NELL1: variants seen among roughly 807,000 people sequenced by gnomAD.
NELL1 encodes the protein neural EGFL like 1.
NELL1 carries 76 observed loss-of-function variants against 107.4 expected under a neutral mutation model. The ratio of observed to expected loss-of-function variants is 0.71; its 90% CI spans 0.59 to 0.86. The LOEUF (loss-of-function observed/expected upper bound fraction) is 0.86, where lower values mean the gene tolerates loss of function less well. NELL1 is among the 40% of genes least tolerant of loss of function. The pLI, the probability that NELL1 is intolerant of heterozygous loss-of-function variation, is 0.00. For synonymous variants in NELL1, 353 were observed against 341.2 expected, an observed-to-expected ratio of 1.03 and a Z score of -0.38; for missense variants, 1,024 against 1,005.5, an observed-to-expected ratio of 1.02 and a Z score of -0.25.
intron 15 of NELL1, among the ~76,000 whole-genome samples, chr11:21,468,027 A>G (rs1449347085): frequency 6.6e-6 from 1 of 152,120 alleles, no homozygotes; most frequent in Non-Finnish European, 1.5e-5. Context: ...TAAAATGACT[A>G]ACAATGGAAA....
intron 5 of NELL1, among the ~76,000 whole-genome samples, chr11:20,906,562 G>A (rs1277861554): frequency 6.6e-6 from 1 of 151,994 alleles, no homozygotes; most frequent in African/African-American, 2.4e-5. Context: ...TTACAGACCA[G>A]TATCTCTTAT....
intron 12 of NELL1, among the ~76,000 whole-genome samples, chr11:21,040,337 A>G (rs1240027152): frequency 6.6e-6 from 1 of 152,094 alleles, no homozygotes; most frequent in South Asian, 2.1e-4. Flanking sequence ...ATTTTTTCCT[A>G]TTATATGTAT....
chr11:21,230,411 G>A (rs926130774), intron 14 of NELL1, among the ~76,000 whole-genome samples: 1 of 152,196 alleles, frequency 6.6e-6, no homozygotes, highest in African/African-American at 2.4e-5. Flanking sequence ...CTGGCATTTA[G>A]AGTGTGACTT....
At chr11:21,176,382 G>A (rs1005665434) in intron 13 of NELL1, among the ~76,000 whole-genome samples, 4 of 151,700 alleles carry the variant, frequency 2.6e-5, no homozygotes, top group African/African-American at 9.7e-5. Flanking sequence ...GAGCCCTCTT[G>A]TCTTACTCGC....
intron 13 of NELL1, among the ~76,000 whole-genome samples, chr11:21,208,368 A>G (rs1298917234): frequency 6.6e-6 from 1 of 151,434 alleles, no homozygotes; most frequent in African/African-American, 2.4e-5. Flanking sequence ...CAATATTTTA[A>G]CATGCATTTT....
intron 14 of NELL1, among the ~76,000 whole-genome samples, chr11:21,236,511 C>A (rs1858210498): frequency 6.6e-6 from 1 of 152,014 alleles, no homozygotes; most frequent in South Asian, 2.1e-4. Context: ...CATCAGTGGA[C>A]CTGCTATTTA....
chr11:21,530,496 T>A (rs1855964982), intron 15 of NELL1, among the ~76,000 whole-genome samples: 2 of 152,080 alleles, frequency 1.3e-5, no homozygotes, highest in Admixed American at 1.3e-4. Flanking sequence ...AAAACAAACC[T>A]TGGGTATTCG....
intron 14 of NELL1, among the ~76,000 whole-genome samples, chr11:21,347,596 C>T (rs1463136617): frequency 1.3e-5 from 2 of 152,146 alleles, no homozygotes; most frequent in Non-Finnish European, 2.9e-5. Flanking sequence ...GAGCAAAACT[C>T]TGCCTAAAAC....
chr11:21,481,875 C>T (rs563404380), intron 15 of NELL1, among the ~76,000 whole-genome samples: 12 of 152,158 alleles, frequency 7.9e-5, no homozygotes, highest in African/African-American at 1.4e-4. Context: ...AAGAATTTTA[C>T]GGGTATTGGC....
At chr11:21,295,526 G>C (rs1296024335) in intron 14 of NELL1, among the ~76,000 whole-genome samples, 1 of 152,060 alleles carries the variant, frequency 6.6e-6, no homozygotes, top group Non-Finnish European at 1.5e-5. Flanking sequence ...ATATGGAGTA[G>C]ACACAAAGAA....
intron 11 of NELL1, among the ~76,000 whole-genome samples, chr11:20,953,398 T>C (rs1851107456): frequency 1.3e-5 from 2 of 152,212 alleles, no homozygotes; most frequent in Admixed American, 1.3e-4. Flanking sequence ...ATGTCTATCA[T>C]TGGCTGCAAA....
intron 17 of NELL1, among the ~76,000 whole-genome samples, chr11:21,567,138 C>A (rs1365478313): frequency 6.6e-6 from 1 of 151,826 alleles, no homozygotes; most frequent in Non-Finnish European, 1.5e-5. Flanking sequence ...GTTCCTAAGG[C>A]ATGATCCTTC....
intron 13 of NELL1, among the ~76,000 whole-genome samples, chr11:21,203,254 C>G (rs1857311312): frequency 6.6e-6 from 1 of 152,130 alleles, no homozygotes; most frequent in Admixed American, 6.5e-5. Context: ...GGGTGGGAGT[C>G]TAAGTCTCTT....
chr11:21,126,079 G>A (rs190304417), intron 13 of NELL1, among the ~76,000 whole-genome samples: 2 of 152,302 alleles, frequency 1.3e-5, no homozygotes, highest in East Asian at 3.9e-4. Flanking sequence ...TTAAGGTGTG[G>A]GAGGTTGAGG....
At chr11:20,816,055 A>G (rs1857616714) in intron 3 of NELL1, among the ~76,000 whole-genome samples, 1 of 152,144 alleles carries the variant, frequency 6.6e-6, no homozygotes, top group African/African-American at 2.4e-5. Flanking sequence ...TTATTACTAT[A>G]GTCTTATAGC....
intron 14 of NELL1, among the ~76,000 whole-genome samples, chr11:21,369,316 T>C (rs1390332649): frequency 6.6e-6 from 1 of 151,906 alleles, no homozygotes; most frequent in Non-Finnish European, 1.5e-5. Context: ...TACATGTGTA[T>C]TTTATATATT....
At chr11:21,504,902 T>C (rs1360487012) in intron 15 of NELL1, among the ~76,000 whole-genome samples, 1 of 152,178 alleles carries the variant, frequency 6.6e-6, no homozygotes, top group Non-Finnish European at 1.5e-5. Context: ...ATTATGTCAA[T>C]ATGGTGGATT....
At chr11:20,840,430 C>CT (rs1848599966) in intron 3 of NELL1, among the ~76,000 whole-genome samples, 1 of 152,204 alleles carries the variant, frequency 6.6e-6, no homozygotes, top group East Asian at 1.9e-4. Flanking sequence ...TATCTCTATT[C>CT]TACCACTTTT....
At chr11:20,975,184 T>A (rs953482883) in intron 12 of NELL1, among the ~76,000 whole-genome samples, 5 of 142,766 alleles carry the variant, frequency 3.5e-5, no homozygotes, top group Non-Finnish European at 7.6e-5. Context: ...AATTTTTGTT[T>A]ATTTTTTTTT....
Sources: gnomAD v4.1 joint callset for allele counts (sites outside exome capture counted in the v4.1 genomes callset) on GRCh38, gnomAD v4.1.1 for gene constraint, MANE v1.5 for transcripts, NCBI Gene and HGNC (gene_info 2026-07-23, HGNC 2026-07-21) for gene names.